Variants in ASF1B observed in about 807,000 individuals in gnomAD.
ASF1B encodes the protein anti-silencing function 1B histone chaperone.
A neutral mutation model predicts 16.6 loss-of-function variants in ASF1B; 10 were observed. The ratio of observed to expected loss-of-function variants is 0.60; its 90% CI spans 0.37 to 1.02. ASF1B has a LOEUF of 1.02. Ranked by LOEUF, ASF1B falls within the 50% of genes least tolerant of loss-of-function variation. The pLI is 0.01. For synonymous variants in ASF1B, 101 were observed against 106.2 expected (o/e 0.95, Z 0.30); for missense variants, 240 against 266.0 (o/e 0.90, Z 0.68).
chr19:14,133,929 G>A (rs556282679), intron 1 of ASF1B, among the ~76,000 whole-genome samples: 5 of 143,520 alleles, frequency 3.5e-5, no homozygotes, highest in Admixed American at 7.3e-5. Flanking sequence ...TCAGCCTCCC[G>A]CGTAGCTGGG....
chr19:14,125,289 C>T (rs1967301203), intron 2 of ASF1B, among the ~76,000 whole-genome samples: 1 of 151,536 alleles, frequency 6.6e-6, no homozygotes, highest in Admixed American at 6.6e-5. Context: ...AACATAAACA[C>T]ACATACAAGT....
At chr19:14,134,064 A>C (rs1457769282) in intron 1 of ASF1B, among the ~76,000 whole-genome samples, 8 of 151,884 alleles carry the variant, frequency 5.3e-5, no homozygotes. Flanking sequence ...TCGGCCTCCC[A>C]AAGTGCTGGG....
intron 1 of ASF1B, among the ~76,000 whole-genome samples, chr19:14,133,382 C>T (rs1245975129): frequency 6.6e-6 from 1 of 152,046 alleles, no homozygotes; most frequent in Admixed American, 6.5e-5. Flanking sequence ...AAATGATCAG[C>T]AGAGGCTGGA....
intron 2 of ASF1B, among the ~76,000 whole-genome samples, chr19:14,125,105 T>C (rs1967298255): frequency 6.6e-6 from 1 of 152,112 alleles, no homozygotes; most frequent in Admixed American, 6.6e-5. Context: ...TAGCTGGGAT[T>C]ACAGGCATGC....
At chr19:14,136,318 G>T (rs1967499272) in intron 1 of ASF1B, 30 bp downstream of exon 1, 1 of 1,594,862 alleles carries the variant, frequency 6.3e-7, no homozygotes, top group South Asian at 1.1e-5. Flanking sequence ...CGGCCCGGGG[G>T]TGGGGGTCCC....
chr19:14,125,113 T>C (rs1356903225), intron 2 of ASF1B, among the ~76,000 whole-genome samples: 1 of 152,028 alleles, frequency 6.6e-6, no homozygotes, highest in Non-Finnish European at 1.5e-5. Context: ...ATTACAGGCA[T>C]GCGCCACCAC....
chr19:14,135,858 G>A (rs1967486163), intron 1 of ASF1B, among the ~76,000 whole-genome samples: 1 of 152,112 alleles, frequency 6.6e-6, no homozygotes, highest in South Asian at 2.1e-4. Flanking sequence ...GGCAAAAATG[G>A]GTGGGTGGTT....
At chr19:14,132,870 G>A (rs1478314681) in intron 1 of ASF1B, among the ~76,000 whole-genome samples, 5 of 151,636 alleles carry the variant, frequency 3.3e-5, no homozygotes, top group Non-Finnish European at 7.4e-5. Flanking sequence ...GGTGGCTCAC[G>A]CCTGTAATCC....
chr19:14,130,294 C>T (rs567286769), intron 1 of ASF1B, among the ~76,000 whole-genome samples: 95 of 151,952 alleles, frequency 6.3e-4, no homozygotes, highest in African/African-American at 2.2e-3. Context: ...ATCTCCTGAC[C>T]TTGTGATCCG....
chr19:14,130,625 G>A (rs1166614238), intron 1 of ASF1B, among the ~76,000 whole-genome samples: 2 of 151,844 alleles, frequency 1.3e-5, no homozygotes, highest in South Asian at 2.1e-4. Flanking sequence ...CAATACAGCA[G>A]GAACTCATAG....
In ASF1B at chr19:14,120,530, G is replaced by A. The variant is rs750505525; in HGVS notation, c.538C>T (p.Pro180Ser). The change falls in exon 4 of 4, where the codon CCT (proline) becomes TCT (serine). Residue 180 changes from proline (P) to serine (S), a missense_variant. Pro to Ser is a moderately conservative substitution (Grantham distance 74). Transcript: ENST00000263382. Reference protein sequence around the residue: ...LGCGLPLNCTPIKGLGLPGCI... With the variant: ...LGCGLPLNCTSIKGLGLPGCI... ...CCAGGGAGCCCCAAGCCCTTGATAGGAGTGCAGTTGAGTGGGAGGCCGCAG... is the reference window on the plus strand; with the variant it reads ...CCAGGGAGCCCCAAGCCCTTGATAGAAGTGCAGTTGAGTGGGAGGCCGCAG... The A allele has an allele frequency of 6.2e-7, 1 of 1,613,474 alleles. No homozygotes were observed. Among genetic ancestry groups the A allele is most frequent in the African/African-American group, 1.3e-5 (1 of 75,000 alleles).
intron 3 of ASF1B, among the ~76,000 whole-genome samples, chr19:14,121,080 C>A (rs997252985): frequency 7.3e-5 from 11 of 151,682 alleles, no homozygotes; most frequent in African/African-American, 2.7e-4. Flanking sequence ...CTCGGCCTCC[C>A]AAAGTGCTGG....
chr19:14,128,181 AG>A (rs368033625), intron 1 of ASF1B, among the ~76,000 whole-genome samples: 6 of 152,228 alleles, frequency 3.9e-5, no homozygotes, highest in African/African-American at 1.4e-4. Flanking sequence ...CTTCAGCTCT[AG>A]CAGCTGGGGG....
intron 1 of ASF1B, among the ~76,000 whole-genome samples, chr19:14,134,040 G>A (rs1290193756): frequency 2.6e-5 from 4 of 151,878 alleles, no homozygotes; most frequent in East Asian, 2.0e-4. Context: ...TCCTGACCTC[G>A]TGATCCGCCC....
At position 14,120,199 on chromosome 19, in the gene ASF1B, G is replaced by A. The variant is rs1425716849; in HGVS notation, c.*260C>T. On this transcript the variant is annotated 3_prime_UTR_variant, in exon 4 of 4. Transcript: ENST00000263382. ...CACAGTGGCACAGTGGCCTTAGTTA[G>A]AATTTATGAAGACGAAAAGAACACA... is the stretch of plus-strand genomic sequence containing the variant. 2.2e-6 allele frequency: 1 copy of A among 457,064 alleles called. No individual in the cohort carries two copies. The highest frequency in any genetic ancestry group is 4.2e-5 in the Admixed American group (1 of 23,722). The allele number at this position is 457,064 out of a possible 1,614,324, so 28.3% of individuals were successfully genotyped here.
At position 14,126,206 on chromosome 19, in the gene ASF1B, C is replaced by T. The variant is rs751749975; in HGVS notation, c.141G>A (p.Ser47=). The T allele has an allele frequency of 4.6e-5, 74 of 1,613,408 alleles. No individual in the cohort carries two copies. Among genetic ancestry groups the T allele is most frequent in the African/African-American group, 1.6e-4 (12 of 74,896 alleles). ...TCTGATCAAATTCCTCACTCTCAGCCGAGCCAACATAAATGATCTTCCACT... is the reference window on the plus strand; with the variant it reads ...TCTGATCAAATTCCTCACTCTCAGCTGAGCCAACATAAATGATCTTCCACT... The part of the protein sequence containing the change: ...DLEWKIIYVG[S]AESEEFDQIL... Residue 47 remains serine (S), a synonymous_variant, in exon 2 of 4, where the codon TCG becomes TCA. Coordinates refer to ENST00000263382, the MANE Select transcript of ASF1B (RefSeq NM_018154.3).
chr19:14,134,350 CGA>C (rs1470407796), intron 1 of ASF1B, among the ~76,000 whole-genome samples: 1 of 152,038 alleles, frequency 6.6e-6, no homozygotes, highest in African/African-American at 2.4e-5. Flanking sequence ...TAAAAAGGAG[CGA>C]GAGAGACCGG....
intron 1 of ASF1B, among the ~76,000 whole-genome samples, chr19:14,132,913 A>G (rs1281030871): frequency 6.6e-6 from 1 of 151,416 alleles, no homozygotes; most frequent in Non-Finnish European, 1.5e-5. Context: ...AAGGTCAGGA[A>G]ATCGAGACCA....
At chr19:14,133,238 C>G (rs967787144) in intron 1 of ASF1B, among the ~76,000 whole-genome samples, 2 of 152,154 alleles carry the variant, frequency 1.3e-5, no homozygotes, top group Admixed American at 6.5e-5. Flanking sequence ...TATGCTCCAC[C>G]CCTGAAACAG....
Sources: allele counts gnomAD v4.1 joint callset (sites outside exome capture counted in the v4.1 genomes callset), GRCh38; gene constraint gnomAD v4.1.1; transcripts MANE v1.5; gene names NCBI Gene and HGNC (gene_info 2026-07-23, HGNC 2026-07-21).